MACROD2: variants seen among roughly 807,000 people sequenced by gnomAD.
The protein encoded by MACROD2 is mono-ADP ribosylhydrolase 2, also known as ADP-ribose glycohydrolase MACROD2.
MACROD2 carries 36 observed loss-of-function variants against 70.4 expected under a neutral mutation model. The ratio of observed to expected loss-of-function variants is 0.51; its 90% CI spans 0.39 to 0.68. MACROD2 has a LOEUF of 0.68. Among genes scored for constraint, MACROD2 ranks in the 30% least tolerant of loss-of-function variants. MACROD2 has a pLI of 0.00. For synonymous variants in MACROD2, 172 were observed against 178.8 expected (o/e 0.96, Z 0.30); for missense variants, 496 against 538.4 (o/e 0.92, Z 0.78).
intron 13 of MACROD2, among the ~76,000 whole-genome samples, chr20:15,984,640 C>A (rs562495071): frequency 2.0e-5 from 3 of 149,026 alleles, no homozygotes; most frequent in Non-Finnish European, 4.5e-5. Flanking sequence ...CTCCCCCCCC[C>A]GCCCTTCTCT....
intron 10 of MACROD2, among the ~76,000 whole-genome samples, chr20:15,932,501 A>G (rs967640242): frequency 1.3e-5 from 2 of 152,134 alleles, no homozygotes; most frequent in South Asian, 2.1e-4. Flanking sequence ...GTACTTCACT[A>G]TATGTTTTAT....
At chr20:15,954,914 G>A (rs1415259587) in intron 12 of MACROD2, among the ~76,000 whole-genome samples, 1 of 152,184 alleles carries the variant, frequency 6.6e-6, no homozygotes, top group African/African-American at 2.4e-5. Context: ...CTTTACAAAT[G>A]AGGAAAGTGA....
chr20:15,611,816 G>A (rs2048974141), intron 8 of MACROD2, among the ~76,000 whole-genome samples: 1 of 149,334 alleles, frequency 6.7e-6, no homozygotes. Flanking sequence ...GCCATTACTA[G>A]ATGATGTCTA....
chr20:15,797,182 C>G (rs1338914600), intron 8 of MACROD2, among the ~76,000 whole-genome samples: 1 of 152,032 alleles, frequency 6.6e-6, no homozygotes, highest in Non-Finnish European at 1.5e-5. Flanking sequence ...GGCGTGATCT[C>G]GGCTCACTGC....
chr20:15,727,403 G>C (rs182753257), intron 8 of MACROD2, among the ~76,000 whole-genome samples: 147 of 152,018 alleles, frequency 9.7e-4, no homozygotes, highest in African/African-American at 3.4e-3. Context: ...TTTTGCTTAA[G>C]ATTGCCTCTA....
chr20:14,937,057 T>G (rs374196845), intron 5 of MACROD2, among the ~76,000 whole-genome samples: 3 of 152,010 alleles, frequency 2.0e-5, no homozygotes, highest in African/African-American at 7.3e-5. Flanking sequence ...GGAAACAATG[T>G]GGAATGGAGA....
intron 5 of MACROD2, among the ~76,000 whole-genome samples, chr20:14,998,164 G>C (rs745903257): frequency 6.6e-6 from 1 of 152,174 alleles, no homozygotes; most frequent in Non-Finnish European, 1.5e-5. Context: ...CCAAACTGCA[G>C]AGGTTACAAT....
chr20:14,947,146 A>G (rs1181609388), intron 5 of MACROD2, among the ~76,000 whole-genome samples: 1 of 152,202 alleles, frequency 6.6e-6, no homozygotes, highest in Non-Finnish European at 1.5e-5. Flanking sequence ...GTTTCCTGTT[A>G]GGACAGCTCA....
intron 4 of MACROD2, among the ~76,000 whole-genome samples, chr20:14,667,628 C>T (rs2070749682): frequency 6.6e-6 from 1 of 152,078 alleles, no homozygotes; most frequent in South Asian, 2.1e-4. Context: ...CACACACAAG[C>T]ATTTTAGACG....
intron 3 of MACROD2, among the ~76,000 whole-genome samples, chr20:14,177,382 T>A (rs1045578273): frequency 1.3e-5 from 2 of 150,564 alleles, no homozygotes; most frequent in Admixed American, 1.3e-4. Flanking sequence ...AATGGCACTA[T>A]CTCGGCTCAC....
At chr20:15,152,913 G>A (rs1335749879) in intron 5 of MACROD2, among the ~76,000 whole-genome samples, 2 of 152,114 alleles carry the variant, frequency 1.3e-5, no homozygotes, top group African/African-American at 2.4e-5. Context: ...AGAGAAGGGA[G>A]AGATTGAAGT....
At chr20:14,389,659 AAT>A (rs2083506960) in intron 3 of MACROD2, among the ~76,000 whole-genome samples, 1 of 152,214 alleles carries the variant, frequency 6.6e-6, no homozygotes. Flanking sequence ...CACTACAGTT[AAT>A]ACTGCATTTT....
At chr20:15,337,457 A>C (rs1157609638) in intron 6 of MACROD2, among the ~76,000 whole-genome samples, 1 of 151,748 alleles carries the variant, frequency 6.6e-6, no homozygotes, top group Admixed American at 6.6e-5. Context: ...ATTTTCTTTA[A>C]ACGTCTGCAT....
chr20:15,125,738 T>C (rs1349376064), intron 5 of MACROD2, among the ~76,000 whole-genome samples: 2 of 151,994 alleles, frequency 1.3e-5, no homozygotes, highest in Non-Finnish European at 2.9e-5. Context: ...AAGTGTATAA[T>C]TCAGTGTTTT....
intron 3 of MACROD2, among the ~76,000 whole-genome samples, chr20:14,270,840 TCA>T (rs1013919968): frequency 6.6e-6 from 1 of 152,166 alleles, no homozygotes; most frequent in Non-Finnish European, 1.5e-5. Flanking sequence ...GGAGATTATA[TCA>T]CACACCTGGC....
At chr20:14,892,256 G>C (rs1170660702) in intron 5 of MACROD2, among the ~76,000 whole-genome samples, 1 of 152,098 alleles carries the variant, frequency 6.6e-6, no homozygotes, top group Non-Finnish European at 1.5e-5. Flanking sequence ...TGGATCACTT[G>C]AGGTCAGGAG....
chr20:15,212,596 G>A (rs1287497793), intron 5 of MACROD2, among the ~76,000 whole-genome samples: 1 of 152,208 alleles, frequency 6.6e-6, no homozygotes, highest in African/African-American at 2.4e-5. Flanking sequence ...CACAGGTCAA[G>A]GTCATTAACA....
chr20:15,003,819 A>G (rs1281810755), intron 5 of MACROD2, among the ~76,000 whole-genome samples: 1 of 152,194 alleles, frequency 6.6e-6, no homozygotes, highest in East Asian at 1.9e-4. Flanking sequence ...AGAGGTTATA[A>G]AACATGCAAC....
At chr20:14,380,542 AG>A (rs1184468963) in intron 3 of MACROD2, among the ~76,000 whole-genome samples, 1 of 152,078 alleles carries the variant, frequency 6.6e-6, no homozygotes, top group African/African-American at 2.4e-5. Context: ...TTGTAGTTTA[AG>A]GTCTTATATT....
Sources: gnomAD v4.1 joint callset for allele counts (sites outside exome capture counted in the v4.1 genomes callset) on GRCh38, gnomAD v4.1.1 for gene constraint, MANE v1.5 for transcripts, NCBI Gene and HGNC (gene_info 2026-07-23, HGNC 2026-07-21) for gene names.